Variants in MAP6 observed in about 807,000 individuals in gnomAD.
MAP6 encodes microtubule associated protein 6, also known as microtubule-associated protein 6.
MAP6 carries 26 observed loss-of-function variants against 42.4 expected under a neutral mutation model. The observed-to-expected ratio is 0.61, with a 90% confidence interval of 0.45 to 0.85. The LOEUF is 0.85. Among genes scored for constraint, MAP6 ranks in the 40% least tolerant of loss-of-function variants. MAP6 has a pLI of 0.00. For missense variants in MAP6, 966 were observed against 1,099.0 expected (o/e 0.88, Z 1.71); for synonymous variants, 418 against 443.8 (o/e 0.94, Z 0.73).
At chr11:75,621,791 G>C (rs972048292) in intron 1 of MAP6, among the ~76,000 whole-genome samples, 4 of 152,210 alleles carry the variant, frequency 2.6e-5, no homozygotes, top group African/African-American at 9.6e-5. Context: ...GGAAGGCCAA[G>C]GTGGGTGGAT....
intron 1 of MAP6, among the ~76,000 whole-genome samples, chr11:75,635,100 G>A (rs79749417): frequency 3.3e-5 from 5 of 152,290 alleles, no homozygotes; most frequent in East Asian, 3.9e-4. Flanking sequence ...ATTGGCACCC[G>A]GGTATTGTAA....
rs1018873189 is a variant in MAP6 at position 75,608,199 on chromosome 11, C to T, written c.1029G>A (p.Glu343=). Residue 343 remains glutamate (E), a synonymous_variant, in exon 2 of 4, where the codon GAG becomes GAA. Coordinates refer to ENST00000304771, the MANE Select transcript of MAP6 (RefSeq NM_033063.2). ...TGTCAGCTGTTGTTGGCTTGCTGGC[C>T]TCTCCTTTGAACTGAGCACTGTAGC... ...ETSYSAQFKG[E]ASKPTTADNK... 8.7e-6 allele frequency: 14 copies of T among 1,614,214 alleles called. No individual in the cohort carries two copies. Among genetic ancestry groups the T allele is most frequent in the Non-Finnish European group, 1.1e-5 (13 of 1,180,042 alleles).
At chr11:75,647,934 A>AT (rs548655364) in intron 1 of MAP6, among the ~76,000 whole-genome samples, 6 of 152,012 alleles carry the variant, frequency 3.9e-5, no homozygotes, top group Non-Finnish European at 7.4e-5. Flanking sequence ...TAAGTGTGGC[A>AT]TTTTTTTTAG....
At chr11:75,605,167 G>C (rs528915118) in intron 3 of MAP6, 1 of 985,138 alleles carries the variant, frequency 1.0e-6, no homozygotes, top group South Asian at 4.7e-5. Context: ...TCTATGACTC[G>C]GTATACAATT....
chr11:75,653,783 C>CCTGA, intron 1 of MAP6, among the ~76,000 whole-genome samples: 1 of 152,254 alleles, frequency 6.6e-6, no homozygotes, highest in Non-Finnish European at 1.5e-5. Flanking sequence ...AAATCTTTGA[C>CCTGA]CTGAGCATTT....
At chr11:75,637,454 T>C (rs1051430222) in intron 1 of MAP6, among the ~76,000 whole-genome samples, 2 of 152,048 alleles carry the variant, frequency 1.3e-5, no homozygotes, top group African/African-American at 4.8e-5. Context: ...ATTTATAGGG[T>C]CTTGAATGGG....
chr11:75,646,993 T>TG (rs1307012200), intron 1 of MAP6, among the ~76,000 whole-genome samples: 3 of 151,270 alleles, frequency 2.0e-5, no homozygotes, highest in Admixed American at 2.0e-4. Flanking sequence ...AACTTTTTTT[T>TG]TTTTTGAGAC....
intron 1 of MAP6, among the ~76,000 whole-genome samples, chr11:75,642,072 A>C (rs1196080741): frequency 6.6e-6 from 1 of 152,266 alleles, no homozygotes; most frequent in African/African-American, 2.4e-5. Flanking sequence ...CTCAAAACTC[A>C]TCATTTCCTA....
At chr11:75,596,897 G>C (rs1170318550) in intron 3 of MAP6, among the ~76,000 whole-genome samples, 1 of 152,202 alleles carries the variant, frequency 6.6e-6, no homozygotes, top group African/African-American at 2.4e-5. Flanking sequence ...AGGGACAGAG[G>C]AGGAGGCTGC....
At chr11:75,661,748 T>C (rs1401584501) in intron 1 of MAP6, among the ~76,000 whole-genome samples, 2 of 152,072 alleles carry the variant, frequency 1.3e-5, no homozygotes, top group African/African-American at 4.8e-5. Flanking sequence ...CTTTAGAAAC[T>C]TTCCCACATC....
At chr11:75,660,630 C>T (rs1232580889) in intron 1 of MAP6, among the ~76,000 whole-genome samples, 1 of 152,156 alleles carries the variant, frequency 6.6e-6, no homozygotes, top group South Asian at 2.1e-4. Flanking sequence ...GTCATTTTCT[C>T]CAAATTATCT....
chr11:75,608,244 A>G lies in MAP6; in HGVS notation c.984T>C (p.Asp328=). The change falls in exon 2 of 4, where the codon GAT becomes GAC. Residue 328 remains aspartate, a synonymous_variant. Coordinates refer to ENST00000304771, the MANE Select transcript of MAP6 (RefSeq NM_033063.2). The stretch of plus-strand genomic sequence containing the variant: ...TGTAGCTGGTCTCATGAACCATCTT[A>G]TCATCTGGGGGCTTGTACTGGGGCT... ...KAKPQYKPPD[D]KMVHETSYSA... 1 of 1,614,182 alleles carries G rather than the reference A, an allele frequency of 6.2e-7. No homozygotes were observed. Among genetic ancestry groups the G allele is most frequent in the Non-Finnish European group, 8.5e-7 (1 of 1,180,020 alleles).
At chr11:75,628,825 T>C (rs1280756481) in intron 1 of MAP6, among the ~76,000 whole-genome samples, 3 of 152,226 alleles carry the variant, frequency 2.0e-5, no homozygotes, top group African/African-American at 4.8e-5. Flanking sequence ...CTTGCAATTA[T>C]GTCTGATGAG....
chr11:75,587,668 T>C lies in MAP6; in HGVS notation c.1833A>G (p.Pro611=). The C allele has an allele frequency of 6.2e-7, 1 of 1,613,724 alleles. No homozygotes were observed. Among genetic ancestry groups the C allele is most frequent in the South Asian group, 1.1e-5 (1 of 91,042 alleles). ...TGGGACCTTCACCCTTGACAGGTGC[T>C]GGGACTATGGGACCTTGATCCTTGA... ...APVKDQGPIV[P]APVKGEGPIV... Residue 611 remains proline, a synonymous_variant, in exon 4 of 4, where the codon CCA becomes CCG. Coordinates refer to ENST00000304771, the MANE Select transcript of MAP6 (RefSeq NM_033063.2).
chr11:75,618,606 A>T (rs1943045113), intron 1 of MAP6, among the ~76,000 whole-genome samples: 1 of 152,132 alleles, frequency 6.6e-6, no homozygotes, highest in African/African-American at 2.4e-5. Flanking sequence ...ACTTAAAAAA[A>T]AAAAAATTGA....
At chr11:75,631,348 C>T (rs1943280896) in intron 1 of MAP6, among the ~76,000 whole-genome samples, 1 of 152,228 alleles carries the variant, frequency 6.6e-6, no homozygotes, top group Non-Finnish European at 1.5e-5. Flanking sequence ...CCCTAAGCCT[C>T]AGCTTCCTCA....
intron 1 of MAP6, among the ~76,000 whole-genome samples, chr11:75,658,534 A>T (rs755061172): frequency 2.6e-5 from 4 of 152,138 alleles, no homozygotes; most frequent in Non-Finnish European, 5.9e-5. Flanking sequence ...CTTGCTGGAG[A>T]TCAGCATCTC....
chr11:75,599,562 A>G (rs558241576), intron 3 of MAP6, among the ~76,000 whole-genome samples: 28 of 152,330 alleles, frequency 1.8e-4, no homozygotes, highest in African/African-American at 6.5e-4. Context: ...AGCCAGATGT[A>G]TATAGATCTG....
At chr11:75,640,067 C>G (rs1436458786) in intron 1 of MAP6, among the ~76,000 whole-genome samples, 1 of 152,160 alleles carries the variant, frequency 6.6e-6, no homozygotes, top group African/African-American at 2.4e-5. Flanking sequence ...CATGGATACC[C>G]TCCACTCCCA....
Sources: allele counts gnomAD v4.1 joint callset (sites outside exome capture counted in the v4.1 genomes callset), GRCh38; gene constraint gnomAD v4.1.1; transcripts MANE v1.5; gene names NCBI Gene and HGNC (gene_info 2026-07-23, HGNC 2026-07-21).